IL18R1: variants seen among roughly 807,000 people sequenced by gnomAD.
IL18R1 encodes interleukin-18 receptor 1.
In IL18R1, 40 loss-of-function variants were observed where a neutral mutation model predicts 48.5. The ratio of observed to expected loss-of-function variants is 0.82; its 90% CI spans 0.64 to 1.07. The LOEUF (loss-of-function observed/expected upper bound fraction) is 1.07, where lower values mean the gene tolerates loss of function less well. Ranked by LOEUF, IL18R1 falls within the 50% of genes least tolerant of loss-of-function variation. IL18R1 has a pLI of 0.00. For missense variants in IL18R1, 596 were observed against 633.7 expected (o/e 0.94, Z 0.64); for synonymous variants, 232 against 225.9 (o/e 1.03, Z -0.24).
At chr2:102,387,904 GAGAC>G (rs2105113927) in intron 8 of IL18R1, among the ~76,000 whole-genome samples, 1 of 152,144 alleles carries the variant, frequency 6.6e-6, no homozygotes, top group African/African-American at 2.4e-5. Context: ...GAGACACAGA[GAGAC>G]AGAGAAATGA....
chr2:102,375,520 A>G (rs1255142183), intron 4 of IL18R1, among the ~76,000 whole-genome samples: 1 of 152,178 alleles, frequency 6.6e-6, no homozygotes, highest in Non-Finnish European at 1.5e-5. Flanking sequence ...ATTGGACTGA[A>G]CATGTATGAA....
chr2:102,364,819 ATCCTTCT>A (rs1329375663), intron 2 of IL18R1, among the ~76,000 whole-genome samples: 1 of 152,160 alleles, frequency 6.6e-6, no homozygotes, highest in Non-Finnish European at 1.5e-5. Flanking sequence ...AAGAAAACAT[ATCCTTCT>A]TCACATGGTG....
chr2:102,356,264 C>G lies in IL18R1; in HGVS notation c.-165C>G. On this transcript the variant is annotated 5_prime_UTR_variant, in exon 1 of 11. Coordinates refer to ENST00000233957, the MANE Select transcript of IL18R1 (RefSeq NM_003855.5). The stretch of plus-strand genomic sequence containing the variant: ...GCCTTATCTCTTTAATCACACCTCT[C>G]TTTCACTTTCCACGGTAGTCAGGAG... The G allele has an allele frequency of 1.3e-6, 1 of 778,864 alleles. No homozygotes were observed. The highest frequency in any genetic ancestry group is 1.6e-6 in the Non-Finnish European group (1 of 644,884). The allele number at this position is 778,864 out of a possible 1,614,324, so 48.2% of individuals were successfully genotyped here.
chr2:102,372,601 T>C (rs1314801785), intron 4 of IL18R1, among the ~76,000 whole-genome samples: 2 of 36,604 alleles, frequency 5.5e-5, no homozygotes, highest in African/African-American at 6.5e-4. Context: ...CATCACAGAC[T>C]TTTTTTTTCT....
At chr2:102,383,779 A>G (rs962237250) in intron 6 of IL18R1, among the ~76,000 whole-genome samples, 4 of 152,146 alleles carry the variant, frequency 2.6e-5, no homozygotes, top group Admixed American at 6.5e-5. Flanking sequence ...TTGCTATATC[A>G]TATATGCATG....
rs4851567 is a variant in IL18R1, at chr2:102,356,347, G to A, written c.-82G>A. 0.1 allele frequency: 97,992 copies of A among 982,920 alleles called. 5,500 individuals are homozygous for A. The highest frequency in any genetic ancestry group is 0.21 in the African/African-American group (11,984 of 57,072). The allele number at this position is 982,920 out of a possible 1,614,324, so 60.9% of individuals were successfully genotyped here. ...ACTTGGCCTCCGCAGTCGCGACCTG[G>A]CGTGAAGGAGGAGCTGCCGCCCCCG... On this transcript the variant is annotated 5_prime_UTR_variant, in exon 1 of 11. Transcript: ENST00000233957.
chr2:102,357,287 C>G (rs374099488), intron 1 of IL18R1, among the ~76,000 whole-genome samples: 2 of 152,022 alleles, frequency 1.3e-5, no homozygotes, highest in South Asian at 4.2e-4. Context: ...GTCAGGAGAT[C>G]GAGACCATCC....
At chr2:102,386,804 T>TC in intron 7 of IL18R1, 57 bp from the exon 8 acceptor site, 1 of 1,562,766 alleles carries the variant, frequency 6.4e-7, no homozygotes, top group Non-Finnish European at 8.8e-7. Context: ...ACATGTGAAT[T>TC]CCCCTCTCAA....
At chr2:102,395,198 A>G (rs996250781) in intron 10 of IL18R1, among the ~76,000 whole-genome samples, 2 of 152,168 alleles carry the variant, frequency 1.3e-5, no homozygotes, top group Non-Finnish European at 2.9e-5. Flanking sequence ...TTATTAATAT[A>G]GGAATACAAA....
rs768726809 is a variant in IL18R1, at chr2:102,387,021, G to T, written c.949+21G>T. 3 of 1,608,016 alleles carry T rather than the reference G, an allele frequency of 1.9e-6. No homozygotes were observed. The Admixed American group carries it at 5.1e-5, about 28-fold the overall frequency. On this transcript the variant is annotated intron_variant, in intron 8 of 10. Coordinates refer to ENST00000233957, the MANE Select transcript of IL18R1 (RefSeq NM_003855.5). ...AAAAGGTGAGAAAGATTTATTTTTGGAAGTTTTGAAACTTAGCTCATTGCT... is the reference window on the plus strand; with the variant it reads ...AAAAGGTGAGAAAGATTTATTTTTGTAAGTTTTGAAACTTAGCTCATTGCT...
chr2:102,374,296 T>TA (rs1679445088), intron 4 of IL18R1, among the ~76,000 whole-genome samples: 1 of 152,224 alleles, frequency 6.6e-6, no homozygotes, highest in Non-Finnish European at 1.5e-5. Flanking sequence ...CGAGTGATGA[T>TA]AATATCCTTG....
chr2:102,362,276 C>T (rs1266102225), intron 1 of IL18R1, among the ~76,000 whole-genome samples: 1 of 152,198 alleles, frequency 6.6e-6, no homozygotes, highest in East Asian at 1.9e-4. Flanking sequence ...ATACATAGCT[C>T]AGCATGTCAC....
chr2:102,362,472 T>A (rs765028386), intron 1 of IL18R1, among the ~76,000 whole-genome samples, 161 bp from the exon 2 acceptor site: 2 of 152,242 alleles, frequency 1.3e-5, no homozygotes, highest in Non-Finnish European at 1.5e-5. Context: ...TAATTTTATA[T>A]GGCTGAAAGT....
chr2:102,364,719 G>C (rs1223254071), intron 2 of IL18R1, among the ~76,000 whole-genome samples: 1 of 152,140 alleles, frequency 6.6e-6, no homozygotes, highest in Non-Finnish European at 1.5e-5. Context: ...ACTTGAGACT[G>C]GGTAATTTAT....
At position 102,396,660 on chromosome 2, in the gene IL18R1, G is replaced by T; in HGVS notation, c.1400G>T (p.Arg467Ile). 1 of 1,613,334 alleles carries T rather than the reference G, an allele frequency of 6.2e-7. No individual in the cohort carries two copies. Among genetic ancestry groups the T allele is most frequent in the Non-Finnish European group, 8.5e-7 (1 of 1,179,296 alleles). The change falls in exon 11 of 11, where the codon AGA becomes ATA. Residue 467 changes from arginine to isoleucine, a missense_variant. Coordinates refer to ENST00000233957, the MANE Select transcript of IL18R1 (RefSeq NM_003855.5). ...GGACTCCATGAAGCATTGGTGGAAAGAAAAATTAAAATAATCTTAATTGAA... is the reference window on the plus strand; with the variant it reads ...GGACTCCATGAAGCATTGGTGGAAATAAAAATTAAAATAATCTTAATTGAA... ...ESGLHEALVE[R>I]KIKIILIEFT...
In IL18R1 at chr2:102,367,847, C is replaced by G. The variant is rs1678998110; in HGVS notation, c.81C>G (p.His27Gln). 1 of 1,613,444 alleles carries G rather than the reference C, an allele frequency of 6.2e-7. No homozygotes were observed. Among genetic ancestry groups the G allele is most frequent in the Admixed American group, 1.7e-5 (1 of 59,992 alleles). Residue 27 changes from histidine to glutamine, a missense_variant, in exon 3 of 11, where the codon CAC (histidine) becomes CAG (glutamine). Around this residue, in one of 3 missense-constraint regions of IL18R1, gnomAD observed 360 missense variants for 339.4 expected, o/e 1.06. Transcript: ENST00000233957. The part of the protein sequence containing the change: ...STAESCTSRP[H>Q]ITVVEGEPFY... ...AAGAATCTTGTACTTCACGTCCCCA[C>G]ATTACTGTGGTTGAAGGGGAACCTT...
chr2:102,389,186 T>G (rs1680419701), intron 8 of IL18R1, among the ~76,000 whole-genome samples: 1 of 152,148 alleles, frequency 6.6e-6, no homozygotes, highest in South Asian at 2.1e-4. Context: ...AATTATAATT[T>G]TAATGACCTA....
At chr2:102,385,590 A>G (rs895619538) in intron 7 of IL18R1, among the ~76,000 whole-genome samples, 5 of 152,168 alleles carry the variant, frequency 3.3e-5, no homozygotes, top group African/African-American at 1.2e-4. Flanking sequence ...TAAGTTGTCT[A>G]CCACCTTTGC....
intron 7 of IL18R1, among the ~76,000 whole-genome samples, chr2:102,386,601 T>G (rs1249079086): frequency 6.6e-6 from 1 of 152,228 alleles, no homozygotes; most frequent in East Asian, 1.9e-4. Context: ...CAACTTAGCA[T>G]CATGATCTTC....
Sources: allele counts gnomAD v4.1 joint callset (sites outside exome capture counted in the v4.1 genomes callset), GRCh38; gene constraint gnomAD v4.1.1; regional missense constraint gnomAD v4.1.1; transcripts MANE v1.5; gene names NCBI Gene and HGNC (gene_info 2026-07-23, HGNC 2026-07-21).